The following PLCB4 variants were observed in gnomAD, a reference collection of about 807,000 sequenced individuals.
The protein encoded by PLCB4 is 1-phosphatidylinositol 4,5-bisphosphate phosphodiesterase beta-4.
PLCB4 carries 77 observed loss-of-function variants against 178.8 expected under a neutral mutation model. That is an observed-to-expected ratio of 0.43 (90% CI 0.36 to 0.52). PLCB4 has a LOEUF of 0.52. Among genes scored for constraint, PLCB4 ranks in the 20% least tolerant of loss-of-function variants. PLCB4 has a pLI of 0.00. For missense variants in PLCB4, 1,024 were observed against 1,453.4 expected, an observed-to-expected ratio of 0.70 and a Z score of 4.80; for synonymous variants, 496 against 490.8, an observed-to-expected ratio of 1.01 and a Z score of -0.14.
At chr20:9,134,743 G>A (rs919895638) in intron 2 of PLCB4, among the ~76,000 whole-genome samples, 5 of 152,084 alleles carry the variant, frequency 3.3e-5, no homozygotes, top group African/African-American at 4.8e-5. Flanking sequence ...GATAACCAAT[G>A]TTATACTTGT....
chr20:9,122,117 A>T lies in PLCB4; in HGVS notation c.-79+25775A>T, dbSNP rs2091977743. On this transcript the variant is annotated intron_variant, in intron 2 of 39. Coordinates refer to ENST00000378473, the MANE Select transcript of PLCB4 (RefSeq NM_001377142.1). The stretch of plus-strand genomic sequence containing the variant: ...ATGGCAAGTTTTGATGTATACTGAT[A>T]AGAAGAGAGACAAAGAAACATTATT... Among the ~76,000 whole-genome samples, 2 of 152,164 alleles carry T rather than the reference A, an allele frequency of 1.3e-5. 1 individual carries two copies. Among genetic ancestry groups the T allele is most frequent in the South Asian group, 4.1e-4 (2 of 4,826 alleles).
chr20:9,145,881 C>T (rs995296047), intron 2 of PLCB4, among the ~76,000 whole-genome samples: 1 of 152,124 alleles, frequency 6.6e-6, no homozygotes, highest in Admixed American at 6.6e-5. Flanking sequence ...TTCCAGGAAG[C>T]AGTACTGTCT....
chr20:9,231,587 C>T (rs6516449), intron 3 of PLCB4, among the ~76,000 whole-genome samples: 12,531 of 151,956 alleles, frequency 0.082, 1,179 homozygotes, highest in African/African-American at 0.23. Flanking sequence ...GATAGTGCAC[C>T]GAATTTCTAT....
At position 9,133,902 on chromosome 20, in the gene PLCB4, C is replaced by T. The variant is rs73609429; in HGVS notation, c.-79+37560C>T. Among the ~76,000 whole-genome samples, 847 of 152,282 alleles carry T rather than the reference C, an allele frequency of 5.6e-3. 6 individuals are homozygous for T. The highest frequency in any genetic ancestry group is 0.019 in the African/African-American group (806 of 41,562). ...TCAACTCCAGGTGGGCTTCACAATA[C>T]TCCAGGTAGCTTTGAGAGACAACGT... On this transcript the variant is annotated intron_variant, in intron 2 of 39. Transcript: ENST00000378473.
At chr20:9,444,062 T>C in intron 31 of PLCB4, 32 bp downstream of exon 31, 2 of 1,516,736 alleles carry the variant, frequency 1.3e-6, no homozygotes, top group Non-Finnish European at 1.8e-6. Flanking sequence ...GCAAGCACTC[T>C]TGTATTACAC....
chr20:9,433,104 C>T (rs926951182), intron 28 of PLCB4, among the ~76,000 whole-genome samples: 4 of 151,908 alleles, frequency 2.6e-5, no homozygotes, highest in African/African-American at 7.3e-5. Context: ...TGAGAATCAC[C>T]GAATTGCTGT....
At chr20:9,375,298 T>C (rs956638512) in intron 12 of PLCB4, among the ~76,000 whole-genome samples, 31 of 152,192 alleles carry the variant, frequency 2.0e-4, no homozygotes, top group African/African-American at 7.2e-4. Context: ...TCAATACTCA[T>C]AACAAAAGGA....
chr20:9,233,940 G>T (rs922175863), intron 3 of PLCB4, among the ~76,000 whole-genome samples: 1 of 152,172 alleles, frequency 6.6e-6, no homozygotes, highest in African/African-American at 2.4e-5. Context: ...TGAATTGGGA[G>T]TGTACAGTTG....
At chr20:9,285,915 G>A (rs898305001) in intron 3 of PLCB4, among the ~76,000 whole-genome samples, 16 of 152,004 alleles carry the variant, frequency 1.1e-4, no homozygotes, top group African/African-American at 2.9e-4. Context: ...TGCCATAAAT[G>A]CGTAGACATC....
chr20:9,166,239 T>A (rs570282487), intron 2 of PLCB4: 1 of 152,108 alleles, frequency 6.6e-6, no homozygotes, highest in Non-Finnish European at 1.5e-5. Context: ...AGTTCAGGTG[T>A]GGCCTTCCAA....
intron 3 of PLCB4, among the ~76,000 whole-genome samples, chr20:9,296,650 C>T (rs1264835343): frequency 6.6e-6 from 1 of 152,098 alleles, no homozygotes; most frequent in Non-Finnish European, 1.5e-5. Flanking sequence ...AAATGTGGCA[C>T]ATATACACCA....
chr20:9,143,540 A>AT (rs1174426356), intron 2 of PLCB4, among the ~76,000 whole-genome samples: 2 of 152,172 alleles, frequency 1.3e-5, no homozygotes, highest in Admixed American at 6.5e-5. Context: ...TAAATGTAAC[A>AT]TTTAAAAAAC....
chr20:9,317,580 G>C (rs1454076929), intron 4 of PLCB4, among the ~76,000 whole-genome samples: 2 of 152,132 alleles, frequency 1.3e-5, no homozygotes, highest in African/African-American at 4.8e-5. Context: ...CATGCTTCAA[G>C]GATGCAAGAA....
At chr20:9,140,223 A>G (rs1389944138) in intron 2 of PLCB4, among the ~76,000 whole-genome samples, 6 of 152,070 alleles carry the variant, frequency 3.9e-5, no homozygotes, top group African/African-American at 1.2e-4. Context: ...ATCTCAGCTC[A>G]AATATCACTT....
chr20:9,265,010 TCTGA>T (rs1276864286), intron 3 of PLCB4, among the ~76,000 whole-genome samples: 8 of 152,192 alleles, frequency 5.3e-5, no homozygotes, highest in African/African-American at 1.7e-4. Flanking sequence ...ACTCCAAGAA[TCTGA>T]CTATTTAAGC....
intron 39 of PLCB4, among the ~76,000 whole-genome samples, chr20:9,478,504 T>G (rs953188000): frequency 2.0e-5 from 3 of 152,118 alleles, no homozygotes; most frequent in Non-Finnish European, 4.4e-5. Context: ...TAAGCAATAC[T>G]TATTCTAATG....
rs1806501598 is a variant in PLCB4 at position 9,215,880 on chromosome 20, T to C, written c.-78-1510T>C. Among the ~76,000 whole-genome samples, 3 of 152,218 alleles carry C rather than the reference T, an allele frequency of 2.0e-5. No homozygotes were observed. In the South Asian group the frequency reaches 6.2e-4, roughly 32 times the overall value. Reference sequence around the variant, plus strand: ...TTGTCTTAACACAATGGAGCCATAGTATCCATATTACTACACTACTTCAGA... The same window carrying C: ...TTGTCTTAACACAATGGAGCCATAGCATCCATATTACTACACTACTTCAGA... On this transcript the variant is annotated intron_variant, in intron 2 of 39. Transcript: ENST00000378473.
chr20:9,176,890 AT>A (rs2093164742), intron 2 of PLCB4, among the ~76,000 whole-genome samples: 1 of 151,950 alleles, frequency 6.6e-6, no homozygotes, highest in Non-Finnish European at 1.5e-5. Flanking sequence ...AACTGCCACA[AT>A]TTTGGGGCTG....
At chr20:9,107,274 A>G (rs573020285) in intron 2 of PLCB4, among the ~76,000 whole-genome samples, 1 of 152,360 alleles carries the variant, frequency 6.6e-6, no homozygotes, top group African/African-American at 2.4e-5. Flanking sequence ...AGTGCATTAA[A>G]GAAGTAAAAA....
Sources: allele counts gnomAD v4.1 joint callset (sites outside exome capture counted in the v4.1 genomes callset), GRCh38; gene constraint gnomAD v4.1.1; transcripts MANE v1.5; gene names NCBI Gene and HGNC (gene_info 2026-07-23, HGNC 2026-07-21).